Variants in SOD2 observed in about 807,000 individuals in gnomAD.
The protein encoded by SOD2 is superoxide dismutase 2.
In SOD2, 11 loss-of-function variants were observed where a neutral mutation model predicts 27.0. That is an observed-to-expected ratio of 0.41 (90% CI 0.26 to 0.67). The LOEUF (loss-of-function observed/expected upper bound fraction) is 0.67, where lower values mean the gene tolerates loss of function less well. Ranked by LOEUF, SOD2 falls within the 30% of genes least tolerant of loss-of-function variation. The pLI, the probability that SOD2 is intolerant of heterozygous loss-of-function variation, is 0.34. For missense variants in SOD2, 250 were observed against 274.5 expected, an observed-to-expected ratio of 0.91 and a Z score of 0.63; for synonymous variants, 105 against 103.0, an observed-to-expected ratio of 1.02 and a Z score of -0.12.
Position 159,671,527 on chromosome 6 carries a change from C to G in SOD2, c.*10966G>C, listed in dbSNP as rs182811459. 6.6e-6 allele frequency: 1 copy of G among 152,396 alleles called. No individual in the cohort carries two copies. The highest frequency in any genetic ancestry group is 6.5e-5 in the Admixed American group (1 of 15,284). The allele number at this position is 152,396 out of a possible 1,614,324, so 9.4% of individuals were successfully genotyped here. On this transcript the variant is annotated 3_prime_UTR_variant, in exon 5 of 5. Coordinates refer to ENST00000538183, the MANE Select transcript of SOD2 (RefSeq NM_000636.4). ...CAAACTCCAACAGACCTGCAGCTGG[C>G]GGTCCTGACTGTTAGAAGGAAAACT...
At chr6:159,702,654 C>CAAAAAAAAAAA (rs750073120) in intron 1 of SOD2, among the ~76,000 whole-genome samples, 6 of 39,818 alleles carry the variant, frequency 1.5e-4, no homozygotes, top group African/African-American at 2.4e-4. Flanking sequence ...TCTATCTCTC[C>CAAAAAAAAAAA]AAAAAAAAAA....
At position 159,675,137 on chromosome 6, in the gene SOD2, A is replaced by G. The variant is rs1002296931; in HGVS notation, c.*7356T>C. The G allele has an allele frequency of 5.9e-5, 9 of 152,240 alleles. No homozygotes were observed. The highest frequency in any genetic ancestry group is 1.7e-4 in the African/African-American group (7 of 41,452). 9.4% of individuals were successfully genotyped at this position (152,240 alleles called of 1,614,324 possible). ...GGAAGAACATTCCATGCTCATGGAT[A>G]GGAAGAATCAATATCGTGAAAATGG... On this transcript the variant is annotated 3_prime_UTR_variant, in exon 5 of 5. Coordinates refer to ENST00000538183, the MANE Select transcript of SOD2 (RefSeq NM_000636.4).
chr6:159,702,547 C>T (rs538478529), intron 1 of SOD2, among the ~76,000 whole-genome samples: 12 of 150,702 alleles, frequency 8.0e-5, no homozygotes, highest in Admixed American at 2.7e-4. Context: ...TGCCCACCTC[C>T]GCGGCCTCCT....
rs747221914 is a variant in SOD2, at chr6:159,673,484, CT to C, written c.*9008del. The C allele has an allele frequency of 6.6e-6, 1 of 152,146 alleles. No individual in the cohort carries two copies. The highest frequency in any genetic ancestry group is 1.5e-5 in the Non-Finnish European group (1 of 68,018). 9.4% of individuals were successfully genotyped at this position (152,146 alleles called of 1,614,324 possible). On this transcript the variant is annotated 3_prime_UTR_variant, in exon 5 of 5. Coordinates refer to ENST00000538183, the MANE Select transcript of SOD2 (RefSeq NM_000636.4). Reference sequence around the variant, plus strand: ...AGCTACATGGAAACTGAACAACCTGCTCCTGAATGACTACTGGGTACATAAC... The same window carrying C: ...AGCTACATGGAAACTGAACAACCTGCCCTGAATGACTACTGGGTACATAAC...
chr6:159,731,584 A>G (rs1334857773), upstream of SOD2, among the ~76,000 whole-genome samples: 1 of 152,250 alleles, frequency 6.6e-6, no homozygotes, highest in Non-Finnish European at 1.5e-5. Flanking sequence ...CAGTATGATT[A>G]TTATCCTCAA....
At chr6:159,689,919 C>T (rs1405224747) in intron 2 of SOD2, among the ~76,000 whole-genome samples, 2 of 147,890 alleles carry the variant, frequency 1.4e-5, no homozygotes, top group Non-Finnish European at 3.0e-5. Flanking sequence ...AAGAACACGC[C>T]ACTGCACTCC....
intron 1 of SOD2, among the ~76,000 whole-genome samples, chr6:159,758,341 GC>G (rs1780057623): frequency 6.6e-6 from 1 of 151,942 alleles, no homozygotes; most frequent in South Asian, 2.1e-4. Flanking sequence ...AGATCACAGT[GC>G]CCCCTGATTG....
chr6:159,722,958 C>T (rs1413419774), intron 1 of SOD2, among the ~76,000 whole-genome samples: 1 of 152,220 alleles, frequency 6.6e-6, no homozygotes. Context: ...TTATGCCCAT[C>T]CAGAGAAAGC....
chr6:159,751,661 G>A (rs2114954574), intron 1 of SOD2, among the ~76,000 whole-genome samples: 1 of 152,308 alleles, frequency 6.6e-6, no homozygotes, highest in South Asian at 2.1e-4. Flanking sequence ...GCTCACTGGT[G>A]GCTTTCACCC....
At chr6:159,711,987 C>T (rs74667993) in intron 1 of SOD2, among the ~76,000 whole-genome samples, 119 of 78,302 alleles carry the variant, frequency 1.5e-3, no homozygotes, top group East Asian at 2.1e-3. Flanking sequence ...ACCACTCACA[C>T]TGCTCAGACC....
At chr6:159,747,886 C>A (rs1321418734), upstream of SOD2, among the ~76,000 whole-genome samples, 3 of 57,416 alleles carry the variant, frequency 5.2e-5, no homozygotes, top group African/African-American at 1.5e-4. Context: ...AAGTGAGTAA[C>A]CTTAAATAGT....
intron 1 of SOD2, chr6:159,745,064 T>C (rs1016817631): frequency 3.9e-5 from 6 of 152,248 alleles, no homozygotes; most frequent in African/African-American, 1.4e-4. Flanking sequence ...CCACTGATAC[T>C]TCTTTCTCCA....
At chr6:159,683,346 G>C (rs188159180) in intron 4 of SOD2, among the ~76,000 whole-genome samples, 4 of 152,048 alleles carry the variant, frequency 2.6e-5, no homozygotes, top group African/African-American at 9.7e-5. Flanking sequence ...TTAGCCTGGC[G>C]AGGTGGCAGG....
chr6:159,758,144 C>T (rs1308410990), intron 1 of SOD2, among the ~76,000 whole-genome samples: 2 of 152,022 alleles, frequency 1.3e-5, no homozygotes, highest in African/African-American at 4.8e-5. Flanking sequence ...TGGTTTGAAT[C>T]CTGGTATTAC....
rs1223963075 is a variant in SOD2 at position 159,680,630 on chromosome 6, A to G, written c.*1863T>C. 5 of 152,118 alleles carry G rather than the reference A, an allele frequency of 3.3e-5. No homozygotes were observed. The highest frequency in any genetic ancestry group is 7.4e-5 in the Non-Finnish European group (5 of 68,012). The allele number at this position is 152,118 out of a possible 1,614,324, so 9.4% of individuals were successfully genotyped here. A position where few individuals can be genotyped will look rare whatever the true frequency, so the allele number is the denominator to read the frequency against. On this transcript the variant is annotated 3_prime_UTR_variant, in exon 5 of 5. Coordinates refer to ENST00000538183, the MANE Select transcript of SOD2 (RefSeq NM_000636.4). ...TAAACTTGGGAAAACATTACTAAAT[A>G]GGTTTAAGAAAAAAGCCTATATAGG...
chr6:159,712,025 CACACT>C (rs1583038863), intron 1 of SOD2, among the ~76,000 whole-genome samples: 2 of 47,724 alleles, frequency 4.2e-5, no homozygotes, highest in African/African-American at 7.0e-5. Context: ...AACCACCACT[CACACT>C]GCTCAGACCT....
intron 1 of SOD2, among the ~76,000 whole-genome samples, chr6:159,702,550 G>A (rs564646206): frequency 6.0e-5 from 9 of 150,106 alleles, no homozygotes; most frequent in South Asian, 2.1e-4. Context: ...CCACCTCCGC[G>A]GCCTCCTGAA....
upstream of SOD2, among the ~76,000 whole-genome samples, chr6:159,730,239 T>G (rs1352370197): frequency 1.3e-5 from 2 of 152,216 alleles, no homozygotes; most frequent in Non-Finnish European, 2.9e-5. Flanking sequence ...AAAAGTGCTG[T>G]TATTAAATGT....
At chr6:159,692,527 G>A (rs1562425626) in intron 2 of SOD2, 134 bp downstream of exon 2, 1 of 1,484,086 alleles carries the variant, frequency 6.7e-7, no homozygotes, top group Non-Finnish European at 9.0e-7. Context: ...AGAGACTATC[G>A]TGCCTGGAAA....
Sources: allele counts gnomAD v4.1 joint callset (sites outside exome capture counted in the v4.1 genomes callset), GRCh38; gene constraint gnomAD v4.1.1; transcripts MANE v1.5; gene names NCBI Gene and HGNC (gene_info 2026-07-23, HGNC 2026-07-21).